FSTL5: variants seen among roughly 807,000 people sequenced by gnomAD.
FSTL5 encodes the protein follistatin-related protein 5.
FSTL5 carries 62 observed loss-of-function variants against 89.1 expected under a neutral mutation model. The ratio of observed to expected loss-of-function variants is 0.70; its 90% confidence interval spans 0.57 to 0.86. The LOEUF (loss-of-function observed/expected upper bound fraction) is 0.86, where lower values mean the gene tolerates loss of function less well. Among genes scored for constraint, FSTL5 ranks in the 40% least tolerant of loss-of-function variants. The pLI is 0.00. For missense variants in FSTL5, 1,057 were observed against 1,001.6 expected (o/e 1.06, Z -0.75); for synonymous variants, 383 against 346.2 (o/e 1.11, Z -1.18).
At chr4:161,854,741 T>C (rs1203995778) in intron 4 of FSTL5, among the ~76,000 whole-genome samples, 5 of 152,060 alleles carry the variant, frequency 3.3e-5, no homozygotes, top group African/African-American at 1.2e-4. Flanking sequence ...TAATAAGGGA[T>C]GAACTCTATA....
chr4:162,149,066 T>A (rs983874890), intron 1 of FSTL5, among the ~76,000 whole-genome samples: 1 of 152,226 alleles, frequency 6.6e-6, no homozygotes, highest in Non-Finnish European at 1.5e-5. Flanking sequence ...ATCATGGCTC[T>A]GTGGCCCACA....
chr4:161,918,275 T>C (rs1346233366), intron 4 of FSTL5, among the ~76,000 whole-genome samples: 3 of 152,146 alleles, frequency 2.0e-5, no homozygotes, highest in Non-Finnish European at 4.4e-5. Context: ...AATAAAGTAA[T>C]TTTATGAGTT....
chr4:161,645,349 A>G (rs1736116548), intron 7 of FSTL5, among the ~76,000 whole-genome samples: 1 of 151,634 alleles, frequency 6.6e-6, no homozygotes, highest in South Asian at 2.1e-4. Flanking sequence ...TAAAATTACC[A>G]GTTACACAAA....
chr4:162,148,183 C>T (rs1419817194), intron 1 of FSTL5, among the ~76,000 whole-genome samples: 3 of 152,072 alleles, frequency 2.0e-5, no homozygotes, highest in South Asian at 4.1e-4. Context: ...AATATATTAA[C>T]ATTGAAGCTA....
intron 7 of FSTL5, among the ~76,000 whole-genome samples, chr4:161,594,439 T>C (rs1337227703): frequency 6.6e-6 from 1 of 152,126 alleles, no homozygotes; most frequent in Admixed American, 6.6e-5. Context: ...TCTTTCCCTT[T>C]CTAGTATAAT....
intron 3 of FSTL5, among the ~76,000 whole-genome samples, chr4:161,940,430 A>G (rs984074212): frequency 1.3e-5 from 2 of 151,796 alleles, no homozygotes; most frequent in Admixed American, 6.6e-5. Flanking sequence ...TACACATCCA[A>G]TGAACGTTCT....
At chr4:161,861,763 TG>T (rs1231685824) in intron 4 of FSTL5, among the ~76,000 whole-genome samples, 1 of 152,198 alleles carries the variant, frequency 6.6e-6, no homozygotes, top group East Asian at 1.9e-4. Context: ...AATTCTCTGA[TG>T]ATAAATGTGG....
chr4:161,406,688 T>C (rs1052950512), intron 15 of FSTL5, among the ~76,000 whole-genome samples: 9 of 152,224 alleles, frequency 5.9e-5, no homozygotes, highest in Non-Finnish European at 1.3e-4. Flanking sequence ...CATATTTTAG[T>C]ACTCTTTAAC....
intron 4 of FSTL5, among the ~76,000 whole-genome samples, chr4:161,832,238 C>G (rs1730868473): frequency 6.6e-6 from 1 of 151,966 alleles, no homozygotes; most frequent in Non-Finnish European, 1.5e-5. Flanking sequence ...AAATCTGAAC[C>G]AAACGAATGA....
chr4:161,975,775 A>AAAATC, intron 3 of FSTL5, among the ~76,000 whole-genome samples: 1 of 147,668 alleles, frequency 6.8e-6, no homozygotes, highest in African/African-American at 2.5e-5. Flanking sequence ...AAAATAAAAT[A>AAAATC]AAATAAAATA....
intron 6 of FSTL5, among the ~76,000 whole-genome samples, chr4:161,656,800 G>A (rs1264033463): frequency 1.3e-5 from 2 of 152,074 alleles, no homozygotes; most frequent in Non-Finnish European, 2.9e-5. Context: ...CTGCCAAATC[G>A]ACATGTAGTG....
chr4:161,772,088 A>G (rs1035485619), intron 5 of FSTL5, among the ~76,000 whole-genome samples: 4 of 152,042 alleles, frequency 2.6e-5, no homozygotes, highest in Non-Finnish European at 5.9e-5. Context: ...TTTTTTCTCA[A>G]ATAGACAGGC....
At chr4:161,631,487 G>T (rs922023489) in intron 7 of FSTL5, among the ~76,000 whole-genome samples, 1 of 152,092 alleles carries the variant, frequency 6.6e-6, no homozygotes. Flanking sequence ...AATGGTGGCA[G>T]GTGCCTGTAA....
intron 10 of FSTL5, among the ~76,000 whole-genome samples, chr4:161,528,146 G>T (rs1221911042): frequency 3.5e-5 from 2 of 56,466 alleles, no homozygotes; most frequent in East Asian, 1.7e-3. Context: ...GGACTGTTGT[G>T]GGGTGGGGGG....
intron 2 of FSTL5, among the ~76,000 whole-genome samples, chr4:162,097,154 G>T (rs1730794985): frequency 6.6e-6 from 1 of 151,674 alleles, no homozygotes; most frequent in Admixed American, 6.6e-5. Context: ...TCTTCTCAGA[G>T]AAATGAGTTA....
intron 7 of FSTL5, among the ~76,000 whole-genome samples, chr4:161,590,386 A>C (rs1304854634): frequency 1.3e-5 from 2 of 152,066 alleles, no homozygotes; most frequent in Non-Finnish European, 2.9e-5. Flanking sequence ...TAAAAATACA[A>C]AAATTAGCTG....
intron 2 of FSTL5, among the ~76,000 whole-genome samples, chr4:162,070,142 T>G (rs1213277701): frequency 1.3e-5 from 2 of 151,816 alleles, no homozygotes; most frequent in East Asian, 1.9e-4. Context: ...ACATCGGGGA[T>G]TCGTATGTTT....
At chr4:161,422,293 T>C (rs926211295) in intron 15 of FSTL5, among the ~76,000 whole-genome samples, 1 of 152,130 alleles carries the variant, frequency 6.6e-6, no homozygotes, top group Non-Finnish European at 1.5e-5. Flanking sequence ...ACCCAGTAGA[T>C]TGCCTAGCAC....
chr4:161,867,301 C>T (rs529905468), intron 4 of FSTL5, among the ~76,000 whole-genome samples: 1 of 151,966 alleles, frequency 6.6e-6, no homozygotes, highest in African/African-American at 2.4e-5. Flanking sequence ...AAAGTTAATG[C>T]CTTAAGCAGT....
Sources: gnomAD v4.1 joint callset for allele counts (sites outside exome capture counted in the v4.1 genomes callset) on GRCh38, gnomAD v4.1.1 for gene constraint, MANE v1.5 for transcripts, NCBI Gene and HGNC (gene_info 2026-07-23, HGNC 2026-07-21) for gene names.